VIP: variants seen among roughly 807,000 people sequenced by gnomAD.
The protein encoded by VIP is vasoactive intestinal peptide.
Under a neutral mutation model 20.1 loss-of-function variants are expected in VIP, and 18 were observed. That is an observed-to-expected ratio of 0.90 (90% confidence interval 0.62 to 1.33). VIP has a LOEUF of 1.33. Among genes scored for constraint, VIP ranks in the 40% most tolerant of loss-of-function variants. VIP has a pLI of 0.00. For synonymous variants in VIP, 70 were observed against 68.1 expected, an observed-to-expected ratio of 1.03 and a Z score of -0.14; for missense variants, 209 against 199.4, an observed-to-expected ratio of 1.05 and a Z score of -0.29.
At chr6:152,753,099 T>C (rs147791658) in intron 2 of VIP, among the ~76,000 whole-genome samples, 9 of 152,304 alleles carry the variant, frequency 5.9e-5, no homozygotes, top group African/African-American at 1.9e-4. Context: ...GGTAGACTTA[T>C]GCTCAACAGA....
In VIP at chr6:152,756,274, A is replaced by G; in HGVS notation, c.467+9A>G. On this transcript the variant is annotated intron_variant, in intron 5 of 6. Transcript: ENST00000367244. ...CTGAATGGAAAGAGGAGGTAAAGAA[A>G]AAGAGAACTTGCTAAAATGAGGAAT... The G allele has an allele frequency of 6.2e-7, 1 of 1,602,414 alleles. No individual in the cohort carries two copies. Among genetic ancestry groups the G allele is most frequent in the South Asian group, 1.1e-5 (1 of 89,130 alleles).
chr6:152,756,296 G>A (rs1455701377), intron 5 of VIP, 31 bp downstream of exon 5: 1 of 1,592,698 alleles, frequency 6.3e-7, no homozygotes. Context: ...CTAAAATGAG[G>A]AATCATGACT....
chr6:152,753,224 T>A (rs544952419), intron 2 of VIP, among the ~76,000 whole-genome samples: 4 of 152,122 alleles, frequency 2.6e-5, no homozygotes, highest in African/African-American at 4.8e-5. Flanking sequence ...CCACAGCAGA[T>A]GAACAATCAC....
At chr6:152,753,825 C>T (rs997377976) in intron 2 of VIP, among the ~76,000 whole-genome samples, 15 of 151,898 alleles carry the variant, frequency 9.9e-5, no homozygotes, top group South Asian at 4.1e-4. Context: ...TTTCTACATA[C>T]GAAATTTGAC....
At chr6:152,756,016 G>C (rs2099730373) in intron 4 of VIP, 118 bp from the exon 5 acceptor site, 1 of 1,094,914 alleles carries the variant, frequency 9.1e-7, no homozygotes, top group Non-Finnish European at 1.2e-6. Flanking sequence ...GTCTTTTTAT[G>C]ATAGAAAATT....
chr6:152,758,973 A>T lies in VIP; in HGVS notation c.*107A>T, dbSNP rs2099730819. On this transcript the variant is annotated 3_prime_UTR_variant, in exon 7 of 7. Coordinates refer to ENST00000367244, the MANE Select transcript of VIP (RefSeq NM_003381.4). ...TTGAGTTCTACATAAGTAATTCAAG[A>T]AAACAACTTCAATATCCAAACCAAA... 6.6e-6 allele frequency: 1 copy of T among 152,498 alleles called. No homozygotes were observed. The highest frequency in any genetic ancestry group is 2.4e-5 in the African/African-American group (1 of 41,436). The allele number at this position is 152,498 out of a possible 1,614,324, so 9.4% of individuals were successfully genotyped here.
Position 152,756,209 on chromosome 6 carries a change from T to C in VIP, c.411T>C (p.Leu137=), listed in dbSNP as rs2099730404. The C allele has an allele frequency of 6.2e-7, 1 of 1,611,652 alleles. No individual in the cohort carries two copies. The highest frequency in any genetic ancestry group is 1.7e-5 in the Admixed American group (1 of 59,830). ...TCTTCACTGACAACTATACCCGCCT[T>C]AGAAAACAAATGGCTGTAAAGAAAT... ...DAVFTDNYTR[L]RKQMAVKKYL... The change falls in exon 5 of 7, where the codon CTT becomes CTC. Residue 137 remains leucine (L), a synonymous_variant. Coordinates refer to ENST00000367244, the MANE Select transcript of VIP (RefSeq NM_003381.4).
At chr6:152,753,914 A>G (rs189978781) in intron 2 of VIP, among the ~76,000 whole-genome samples, 112 of 152,142 alleles carry the variant, frequency 7.4e-4, no homozygotes, top group Non-Finnish European at 1.2e-3. Context: ...ATAAGATTGA[A>G]TTAAGTAGCT....
chr6:152,754,348 C>G (rs2099730090), intron 3 of VIP, 60 bp downstream of exon 3: 2 of 1,479,624 alleles, frequency 1.4e-6, no homozygotes, highest in African/African-American at 2.8e-5. Context: ...TGTTTAAGAA[C>G]TATAAACGTG....
chr6:152,759,658 T>C lies in VIP; in HGVS notation c.*792T>C, dbSNP rs2099730944. 6.6e-6 allele frequency: 1 copy of C among 152,046 alleles called. No individual in the cohort carries two copies. The highest frequency in any genetic ancestry group is 6.6e-5 in the Admixed American group (1 of 15,232). The allele number at this position is 152,046 out of a possible 1,614,324, so 9.4% of individuals were successfully genotyped here. A position where few individuals can be genotyped will look rare whatever the true frequency, so the allele number is the denominator to read the frequency against. On this transcript the variant is annotated 3_prime_UTR_variant, in exon 7 of 7. Transcript: ENST00000367244. ...ATGACTCAGAATATTGCTTTGGTCA[T>C]ATGAGCTTCCTTCTGTGAAAGTACA... is the stretch of plus-strand genomic sequence containing the variant.
chr6:152,756,386 A>T, intron 5 of VIP, 121 bp downstream of exon 5: 1 of 1,179,212 alleles, frequency 8.5e-7, no homozygotes, highest in Non-Finnish European at 1.2e-6. Context: ...GTGATTTTCA[A>T]CCTTGGCTGA....
chr6:152,754,235 C>T lies in VIP; in HGVS notation c.177C>T (p.Asp59=). 1 of 1,611,896 alleles carries T rather than the reference C, an allele frequency of 6.2e-7. No individual in the cohort carries two copies. Among genetic ancestry groups the T allele is most frequent in the Non-Finnish European group, 8.5e-7 (1 of 1,178,722 alleles). Residue 59 remains aspartate (D), a synonymous_variant, in exon 3 of 7, where the codon GAC becomes GAT. Transcript: ENST00000367244. ...AAGTTTCATTAAAAGAAGACATTGACATGTTGCAAAATGCATTAGCTGAAA... is the reference window on the plus strand; with the variant it reads ...AAGTTTCATTAAAAGAAGACATTGATATGTTGCAAAATGCATTAGCTGAAA... The part of the protein sequence containing the change: ...PDQVSLKEDI[D]MLQNALAEND...
chr6:152,751,060 G>T (rs2099729545), intron 1 of VIP, 101 bp downstream of exon 1: 1 of 152,144 alleles, frequency 6.6e-6, no homozygotes, highest in South Asian at 2.1e-4. Context: ...ATTTGATAGT[G>T]CTTTGCTTTT....
At chr6:152,752,344 C>A in intron 2 of VIP, 60 bp downstream of exon 2, 1 of 1,426,706 alleles carries the variant, frequency 7.0e-7, no homozygotes, top group Non-Finnish European at 9.7e-7. Context: ...TGGGAATTTC[C>A]TATACATTTT....
intron 3 of VIP, 112 bp from the exon 4 acceptor site, chr6:152,755,157 A>T: frequency 1.7e-6 from 1 of 599,194 alleles, no homozygotes; most frequent in Non-Finnish European, 2.8e-6. Flanking sequence ...CTTTAGTTTT[A>T]ATGAGAAGCT....
intron 6 of VIP, among the ~76,000 whole-genome samples, 171 bp downstream of exon 6, chr6:152,757,355 G>C (rs1043651195): frequency 1.3e-5 from 2 of 151,898 alleles, no homozygotes; most frequent in African/African-American, 4.8e-5. Flanking sequence ...AAACAGCTTA[G>C]AATGATTCAT....
At chr6:152,756,452 C>G (rs1229146466) in intron 5 of VIP, among the ~76,000 whole-genome samples, 187 bp downstream of exon 5, 1 of 151,826 alleles carries the variant, frequency 6.6e-6, no homozygotes, top group Admixed American at 6.6e-5. Flanking sequence ...TTCTCCCAAA[C>G]CAATTGCCAG....
rs368623080 is a variant in VIP at position 152,759,504 on chromosome 6, A to G, written c.*638A>G. ...TAATCACCAAAGGCTCTCTCCTGATAGTCTTTCAGTTAAGGAGAACGACCC... is the reference window on the plus strand; with the variant it reads ...TAATCACCAAAGGCTCTCTCCTGATGGTCTTTCAGTTAAGGAGAACGACCC... On this transcript the variant is annotated 3_prime_UTR_variant, in exon 7 of 7. Transcript: ENST00000367244. 9.2e-5 allele frequency: 14 copies of G among 151,934 alleles called. No homozygotes were observed. The highest frequency in any genetic ancestry group is 7.7e-4 in the East Asian group (4 of 5,176). The allele number at this position is 151,934 out of a possible 1,614,324, so 9.4% of individuals were successfully genotyped here.
At chr6:152,753,513 G>C (rs1354872105) in intron 2 of VIP, among the ~76,000 whole-genome samples, 1 of 152,038 alleles carries the variant, frequency 6.6e-6, no homozygotes, top group Non-Finnish European at 1.5e-5. Flanking sequence ...TATTAAAGTT[G>C]TGTTAATACA....
Sources: gnomAD v4.1 joint callset for allele counts (sites outside exome capture counted in the v4.1 genomes callset) on GRCh38, gnomAD v4.1.1 for gene constraint, MANE v1.5 for transcripts, NCBI Gene and HGNC (gene_info 2026-07-23, HGNC 2026-07-21) for gene names.